Variants in NHEJ1 observed in about 807,000 individuals in gnomAD.
NHEJ1 encodes the protein non-homologous end joining factor 1.
Under a neutral mutation model 39.4 loss-of-function variants are expected in NHEJ1, and 22 were observed. The ratio of observed to expected loss-of-function variants is 0.56; its 90% CI spans 0.40 to 0.80. The LOEUF (loss-of-function observed/expected upper bound fraction) is 0.80. Among genes scored for constraint, NHEJ1 ranks in the 30% least tolerant of loss-of-function variants. The pLI, the probability that NHEJ1 is intolerant of heterozygous loss-of-function variation, is 0.00. For synonymous variants in NHEJ1, 154 were observed against 135.6 expected (o/e 1.14, Z -0.94); for missense variants, 329 against 357.1 (o/e 0.92, Z 0.63).
intron 5 of NHEJ1, among the ~76,000 whole-genome samples, chr2:219,114,029 G>A (rs962004266): frequency 6.6e-6 from 1 of 152,158 alleles, no homozygotes; most frequent in Non-Finnish European, 1.5e-5. Context: ...TGGGGCAGGG[G>A]CTGAAAACAA....
chr2:219,098,577 C>G (rs1949229036), intron 5 of NHEJ1, among the ~76,000 whole-genome samples: 1 of 152,138 alleles, frequency 6.6e-6, no homozygotes, highest in Non-Finnish European at 1.5e-5. Flanking sequence ...TCATTTCTGA[C>G]TGATTCTTCT....
chr2:219,093,910 C>A (rs1330729472), intron 5 of NHEJ1, among the ~76,000 whole-genome samples: 1 of 152,194 alleles, frequency 6.6e-6, no homozygotes, highest in East Asian at 1.9e-4. Context: ...GAGGAAATCT[C>A]CAGCCTGTGT....
chr2:219,100,794 T>C (rs570115090), intron 5 of NHEJ1, among the ~76,000 whole-genome samples: 29 of 152,294 alleles, frequency 1.9e-4, no homozygotes, highest in African/African-American at 5.5e-4. Flanking sequence ...AGCTAAGAAG[T>C]AGCAAAGAAC....
chr2:219,089,111 G>A (rs910389761), intron 5 of NHEJ1, among the ~76,000 whole-genome samples: 2 of 152,044 alleles, frequency 1.3e-5, no homozygotes, highest in African/African-American at 2.4e-5. Context: ...GAGCCATTGC[G>A]CCCAGCCTAT....
chr2:219,153,471 A>T (rs1949817306), intron 3 of NHEJ1, among the ~76,000 whole-genome samples: 1 of 152,226 alleles, frequency 6.6e-6, no homozygotes, highest in African/African-American at 2.4e-5. Flanking sequence ...TATATTAGAT[A>T]TTAGAAAGAA....
intron 5 of NHEJ1, among the ~76,000 whole-genome samples, chr2:219,122,884 G>T (rs1038126819): frequency 1.3e-5 from 2 of 152,200 alleles, no homozygotes; most frequent in African/African-American, 4.8e-5. Flanking sequence ...AGTAGAAAGC[G>T]CATATGCCCA....
At chr2:219,100,269 A>G (rs1463024285) in intron 5 of NHEJ1, among the ~76,000 whole-genome samples, 3 of 152,190 alleles carry the variant, frequency 2.0e-5, no homozygotes, top group Non-Finnish European at 4.4e-5. Flanking sequence ...ACGTGAGAAC[A>G]GGGTCTTCGA....
chr2:219,119,121 C>T (rs980070533), intron 5 of NHEJ1, among the ~76,000 whole-genome samples: 3 of 152,166 alleles, frequency 2.0e-5, no homozygotes, highest in African/African-American at 7.2e-5. Flanking sequence ...TTCTCCATGC[C>T]TCACTCCCTT....
intron 5 of NHEJ1, chr2:219,102,322 TTGCCAACTAATAGGAGAAGATCA>T (rs1454727047): frequency 6.6e-6 from 1 of 152,230 alleles, no homozygotes. Flanking sequence ...ATCTTCATTT[TTGCCAACTAATAGGAGAAGATCA>T]ACTCATTCTT....
At chr2:219,078,723 C>T (rs1574698684) in intron 5 of NHEJ1, among the ~76,000 whole-genome samples, 1 of 152,212 alleles carries the variant, frequency 6.6e-6, no homozygotes, top group Non-Finnish European at 1.5e-5. Context: ...GCTTTTGAGG[C>T]CCCCGGCCAT....
intron 5 of NHEJ1, among the ~76,000 whole-genome samples, chr2:219,145,723 G>A (rs1049604998): frequency 2.6e-5 from 4 of 151,890 alleles, no homozygotes; most frequent in African/African-American, 7.3e-5. Context: ...ACCTGAGGTC[G>A]GGAGTTCCAG....
At chr2:219,139,782 C>A (rs2106356970) in intron 5 of NHEJ1, among the ~76,000 whole-genome samples, 1 of 152,108 alleles carries the variant, frequency 6.6e-6, no homozygotes, top group Admixed American at 6.5e-5. Flanking sequence ...CAGGTTCACG[C>A]CATTCTCCCG....
chr2:219,157,168 G>T (rs1025331412), intron 3 of NHEJ1, among the ~76,000 whole-genome samples: 1 of 152,132 alleles, frequency 6.6e-6, no homozygotes, highest in Non-Finnish European at 1.5e-5. Context: ...CTTCTCACTA[G>T]ATTATGAACT....
intron 1 of NHEJ1, among the ~76,000 whole-genome samples, chr2:219,159,528 T>TAGATATATATGC: frequency 1.1e-5 from 1 of 92,250 alleles, no homozygotes. Context: ...TATATATGCA[T>TAGATATATATGC]ATATATATGC....
intron 1 of NHEJ1, among the ~76,000 whole-genome samples, chr2:219,159,578 T>TATATATATGC (rs1292513962): frequency 8.9e-5 from 5 of 56,336 alleles, no homozygotes; most frequent in African/African-American, 2.3e-4. Context: ...TATATATGCA[T>TATATATATGC]ATATATATGC....
At chr2:219,143,814 C>T (rs1949711717) in intron 5 of NHEJ1, among the ~76,000 whole-genome samples, 1 of 152,132 alleles carries the variant, frequency 6.6e-6, no homozygotes, top group Admixed American at 6.6e-5. Flanking sequence ...AGTATGAAAA[C>T]GATGAGCCTC....
At chr2:219,133,771 A>T (rs1949599828) in intron 5 of NHEJ1, among the ~76,000 whole-genome samples, 1 of 152,216 alleles carries the variant, frequency 6.6e-6, no homozygotes, top group Non-Finnish European at 1.5e-5. Flanking sequence ...CTCCTGGGGG[A>T]AAGAAGCTGG....
At chr2:219,099,298 G>T (rs1205393827) in intron 5 of NHEJ1, among the ~76,000 whole-genome samples, 3 of 152,078 alleles carry the variant, frequency 2.0e-5, no homozygotes, top group Non-Finnish European at 2.9e-5. Flanking sequence ...CAGTGTCCCT[G>T]GACTCTACTC....
intron 5 of NHEJ1, among the ~76,000 whole-genome samples, chr2:219,085,478 G>A (rs192287809): frequency 2.0e-5 from 3 of 152,208 alleles, no homozygotes; most frequent in African/African-American, 7.2e-5. Context: ...TGAAACTGAA[G>A]ACAGAGCTAA....
Sources: gnomAD v4.1 joint callset for allele counts (sites outside exome capture counted in the v4.1 genomes callset) on GRCh38, gnomAD v4.1.1 for gene constraint, MANE v1.5 for transcripts, NCBI Gene and HGNC (gene_info 2026-07-23, HGNC 2026-07-21) for gene names.